COPE: variants seen among roughly 807,000 people sequenced by gnomAD.
COPE encodes coatomer subunit epsilon.
A neutral mutation model predicts 42.1 loss-of-function variants in COPE; 19 were observed. The ratio of observed to expected loss-of-function variants is 0.45; its 90% CI spans 0.31 to 0.66. The LOEUF (loss-of-function observed/expected upper bound fraction) is 0.66. Ranked by LOEUF, COPE falls within the 30% of genes least tolerant of loss-of-function variation. The probability of loss-of-function intolerance (pLI) is 0.05; values close to 1 mark genes in which losing one functional copy is unlikely to be tolerated. For synonymous variants in COPE, 195 were observed against 181.3 expected, an observed-to-expected ratio of 1.08 and a Z score of -0.60; for missense variants, 402 against 416.1, an observed-to-expected ratio of 0.97 and a Z score of 0.30.
At chr19:18,900,276 G>A in intron 8 of COPE, 105 bp downstream of exon 8, 2 of 933,284 alleles carry the variant, frequency 2.1e-6, no homozygotes, top group Non-Finnish European at 3.2e-6. Flanking sequence ...TAGGCATACT[G>A]TATACAGAGT....
chr19:18,911,283 C>T (rs1343174963), intron 2 of COPE: 16 of 577,006 alleles, frequency 2.8e-5, no homozygotes, highest in Non-Finnish European at 4.4e-5. Context: ...CAGGGCCACA[C>T]TGCCCATGCC....
intron 3 of COPE, 152 bp from the exon 4 acceptor site, chr19:18,907,264 CA>C: frequency 2.5e-6 from 2 of 792,286 alleles, no homozygotes; most frequent in Non-Finnish European, 3.9e-6. Flanking sequence ...GCTGTCCCGA[CA>C]TGTCCTCCCT....
At chr19:18,905,989 CCCTGCA>C (rs775637383) in intron 4 of COPE, 9 of 438,628 alleles carry the variant, frequency 2.1e-5, no homozygotes, top group East Asian at 7.1e-5. Flanking sequence ...ACGCACCCGC[CCCTGCA>C]CCTGCACCTG....
rs368392329 is a variant in COPE, at chr19:18,908,521, C to CTCTTT, written c.291-1410_291-1409insAAAGA. ...GGCAACATGGCAAAACCCCATCTCT[C>CTCTTT]TTTTTTTTTTTTTGAGACGGAGTCT... On this transcript the variant is annotated intron_variant, in intron 3 of 9. Coordinates refer to ENST00000262812, the MANE Select transcript of COPE (RefSeq NM_007263.4). 1.7e-3 allele frequency among the ~76,000 whole-genome samples: 248 copies of CTCTTT among 146,796 alleles called. 6 individuals carry two copies. The highest frequency in any genetic ancestry group is 2.5e-3 in the African/African-American group (99 of 40,218).
intron 4 of COPE, chr19:18,906,734 T>G: frequency 2.0e-6 from 1 of 504,994 alleles, no homozygotes; most frequent in South Asian, 3.0e-5. Context: ...GAACAGAGGG[T>G]TGCAGCCTGG....
chr19:18,899,794 G>GA, intron 9 of COPE, 68 bp from the exon 10 acceptor site: 2 of 1,610,820 alleles, frequency 1.2e-6, no homozygotes, highest in Non-Finnish European at 1.7e-6. Flanking sequence ...GGGAGAGAGA[G>GA]AGGGCGCATG....
Position 18,907,102 on chromosome 19 carries a change from C to T in COPE, c.301G>A (p.Val101Met), listed in dbSNP as rs980009515. 1.6e-5 allele frequency: 26 copies of T among 1,611,710 alleles called. No individual in the cohort carries two copies. The highest frequency in any genetic ancestry group is 1.6e-4 in the African/African-American group (12 of 74,908). ...CTCATCTCTCGGTCCAGCTCGGCCA[C>T]GATGCTGTCCCTGCAAGACAGAGAT... ...LAHESRRDSIVAELDREMSRS... is the reference protein window; with the variant it reads ...LAHESRRDSIMAELDREMSRS... Residue 101 changes from valine to methionine, a missense_variant, in exon 4 of 10, where the codon GTG becomes ATG. Transcript: ENST00000262812.
chr19:18,914,338 C>G (rs1192052013), intron 1 of COPE, among the ~76,000 whole-genome samples: 1 of 151,752 alleles, frequency 6.6e-6, no homozygotes, highest in African/African-American at 2.4e-5. Flanking sequence ...TCAGGAGTTC[C>G]AGACCAGCCT....
Position 18,902,730 on chromosome 19 carries a change from A to AAGG in COPE, c.735+537_735+538insCCT, listed in dbSNP as rs1282260717. Among the ~76,000 whole-genome samples the AAGG allele has an allele frequency of 8.0e-4, 50 of 62,346 alleles. 9 individuals carry two copies. The highest frequency in any genetic ancestry group is 6.1e-3 in the African/African-American group (47 of 7,684). The allele number at this position is 62,346 out of a possible 152,430, so 40.9% of individuals were successfully genotyped here. A position where few individuals can be genotyped will look rare whatever the true frequency, so the allele number is the denominator to read the frequency against. ...GGAAAGGAAGGAAAGGAAAGGAAGG[A>AAGG]AAGGAAGGAAAGGAAGGAAAGGAAG... On this transcript the variant is annotated intron_variant, in intron 7 of 9. Transcript: ENST00000262812.
intron 1 of COPE, among the ~76,000 whole-genome samples, chr19:18,917,405 G>A (rs1190383297): frequency 2.0e-5 from 3 of 151,324 alleles, no homozygotes; most frequent in Non-Finnish European, 4.4e-5. Flanking sequence ...TCTCGCTCTT[G>A]TTCCCCAGGC....
At chr19:18,908,367 C>T (rs548636757) in intron 3 of COPE, among the ~76,000 whole-genome samples, 12 of 151,918 alleles carry the variant, frequency 7.9e-5, no homozygotes, top group South Asian at 2.1e-4. Context: ...GTTGAAGCTG[C>T]GGTGAGCTGT....
intron 1 of COPE, among the ~76,000 whole-genome samples, chr19:18,913,646 C>A (rs903027128): frequency 1.3e-5 from 2 of 152,202 alleles, no homozygotes; most frequent in African/African-American, 4.8e-5. Context: ...ATGCTGCCCC[C>A]GGAGGCTGGC....
chr19:18,908,868 C>T (rs373394039), intron 3 of COPE, among the ~76,000 whole-genome samples: 34 of 152,036 alleles, frequency 2.2e-4, no homozygotes, highest in African/African-American at 8.2e-4. Context: ...CATGGTGATG[C>T]GTGCCTGTAG....
chr19:18,911,699 C>T (rs1220009893), intron 2 of COPE, among the ~76,000 whole-genome samples: 2 of 151,278 alleles, frequency 1.3e-5, no homozygotes, highest in African/African-American at 4.9e-5. Context: ...CTACAGGCGC[C>T]CGCCACCACG....
intron 7 of COPE, 56 bp downstream of exon 7, chr19:18,903,212 C>A: frequency 6.7e-7 from 1 of 1,493,892 alleles, no homozygotes; most frequent in Non-Finnish European, 8.9e-7. Flanking sequence ...CCTGACCCCA[C>A]CCTCTGGCCG....
chr19:18,902,716 A>AAGGAAAGG (rs2056712793), intron 7 of COPE, among the ~76,000 whole-genome samples: 5 of 31,852 alleles, frequency 1.6e-4, no homozygotes, highest in South Asian at 1.3e-3. Flanking sequence ...GAAAGGAAGG[A>AAGGAAAGG]AAGGAAAGGA....
Position 18,919,383 on chromosome 19 carries a change from G to C in COPE, c.-35C>G. 6.8e-6 allele frequency: 11 copies of C among 1,606,396 alleles called. No individual in the cohort carries two copies. Among genetic ancestry groups the C allele is most frequent in the Non-Finnish European group, 9.3e-6 (11 of 1,176,718 alleles). ...TTCTCACCAGCTCCTCTTCCTGAAA[G>C]ACACGTCAGCCGGAAGCAAGACACG... On this transcript the variant is annotated 5_prime_UTR_variant, in exon 1 of 10. Coordinates refer to ENST00000262812, the MANE Select transcript of COPE (RefSeq NM_007263.4).
intron 1 of COPE, among the ~76,000 whole-genome samples, chr19:18,914,926 C>T (rs2056841459): frequency 6.6e-6 from 1 of 151,864 alleles, no homozygotes; most frequent in Non-Finnish European, 1.5e-5. Flanking sequence ...TGGGGTTTCA[C>T]CATATTGGCC....
chr19:18,914,730 T>G (rs1292184803), intron 1 of COPE, among the ~76,000 whole-genome samples: 4 of 148,890 alleles, frequency 2.7e-5, no homozygotes, highest in Non-Finnish European at 5.9e-5. Context: ...GAGACCAGCA[T>G]AGGCAACATA....
Sources: allele counts gnomAD v4.1 joint callset (sites outside exome capture counted in the v4.1 genomes callset), GRCh38; gene constraint gnomAD v4.1.1; transcripts MANE v1.5; gene names NCBI Gene and HGNC (gene_info 2026-07-23, HGNC 2026-07-21).